The following ADGRF3 variants were observed in gnomAD, a reference collection of about 807,000 sequenced individuals.
ADGRF3 encodes the protein G protein-coupled receptor 113.
A neutral mutation model predicts 93.2 loss-of-function variants in ADGRF3; 85 were observed. That is an observed-to-expected ratio of 0.91 (90% CI 0.77 to 1.09). The LOEUF (loss-of-function observed/expected upper bound fraction) is 1.09. Ranked by LOEUF, ADGRF3 falls within the 50% of genes least tolerant of loss-of-function variation. ADGRF3 has a pLI of 0.00. For synonymous variants in ADGRF3, 534 were observed against 532.5 expected (o/e 1.00, Z -0.04); for missense variants, 1,125 against 1,246.2 (o/e 0.90, Z 1.46).
intron 12 of ADGRF3, 89 bp downstream of exon 12, chr2:26,309,954 G>A: frequency 6.2e-7 from 1 of 1,613,626 alleles, no homozygotes; most frequent in Non-Finnish European, 8.5e-7. Flanking sequence ...TCAGCTTCTG[G>A]CTGTGCCCAT....
rs1574701687 is a variant in ADGRF3, at chr2:26,313,452, C to T, written c.1194G>A (p.Gly398=). Residue 398 remains glycine (G), a synonymous_variant, in exon 8 of 14, where the codon GGG becomes GGA. Coordinates refer to ENST00000651242, the MANE Select transcript of ADGRF3 (RefSeq NM_001321971.2). The part of the protein sequence containing the change: ...SKRGIVRRLC[G]ADGVWGPVHS... The stretch of plus-strand genomic sequence containing the variant: ...GGACCGGCCCCCAGACTCCGTCAGC[C>T]CCACAGAGCCTCCTCACTATGCCCC... 2 of 1,610,838 alleles carry T rather than the reference C, an allele frequency of 1.2e-6. No homozygotes were observed. Among genetic ancestry groups the T allele is most frequent in the East Asian group, 2.2e-5 (1 of 44,718 alleles).
intron 1 of ADGRF3, among the ~76,000 whole-genome samples, chr2:26,344,656 C>G (rs977057295): frequency 5.3e-5 from 8 of 152,136 alleles, no homozygotes; most frequent in African/African-American, 1.9e-4. Context: ...GGTTGGCGGG[C>G]GCCCATTCTT....
chr2:26,334,805 A>G (rs892692774), intron 1 of ADGRF3, among the ~76,000 whole-genome samples: 1 of 152,216 alleles, frequency 6.6e-6, no homozygotes, highest in African/African-American at 2.4e-5. Flanking sequence ...CATAATTTGC[A>G]ATAATGTTCT....
At chr2:26,321,637 A>T (rs559754412) in intron 1 of ADGRF3, among the ~76,000 whole-genome samples, 1 of 152,106 alleles carries the variant, frequency 6.6e-6, no homozygotes, top group Non-Finnish European at 1.5e-5. Flanking sequence ...TTCATCCATC[A>T]GCATGAACAC....
In ADGRF3 at chr2:26,311,185, C is replaced by T. The variant is rs1349924500; in HGVS notation, c.2339G>A (p.Cys780Tyr). 1.9e-6 allele frequency: 3 copies of T among 1,599,060 alleles called. No homozygotes were observed. Among genetic ancestry groups the T allele is most frequent in the South Asian group, 2.2e-5 (2 of 89,110 alleles). ...AAAGGTGGCCAGGTAGAGGAAATGA[C>T]AGAGGAAGGCGGCAGCAAGGCAGAG... The part of the protein sequence containing the change: ...SPLCLAAAFL[C>Y]HFLYLATFFW... The change falls in exon 10 of 14, where the codon TGT becomes TAT. Residue 780 changes from cysteine (C) to tyrosine (Y), a missense_variant. Transcript: ENST00000651242.
intron 9 of ADGRF3, 91 bp downstream of exon 9, chr2:26,312,852 G>T: frequency 8.1e-7 from 1 of 1,233,122 alleles, no homozygotes; most frequent in African/African-American, 1.5e-5. Context: ...AACAGCCCAT[G>T]GTGACATCAG....
intron 2 of ADGRF3, 65 bp downstream of exon 2, chr2:26,317,431 G>T: frequency 6.8e-7 from 1 of 1,473,566 alleles, no homozygotes; most frequent in Non-Finnish European, 9.3e-7. Context: ...CTGGGTCCTG[G>T]GTTTCCACCT....
intron 1 of ADGRF3, among the ~76,000 whole-genome samples, chr2:26,335,513 C>A (rs1327167477): frequency 6.6e-6 from 1 of 152,136 alleles, no homozygotes; most frequent in African/African-American, 2.4e-5. Context: ...AGTAGAATGA[C>A]TGGGTCAGGT....
intron 6 of ADGRF3, 125 bp downstream of exon 6, chr2:26,314,289 G>T: frequency 2.3e-6 from 2 of 867,428 alleles, no homozygotes; most frequent in South Asian, 1.8e-5. Context: ...AACAGTGTTG[G>T]CCTTGGACCC....
At chr2:26,316,502 G>T in intron 3 of ADGRF3, 54 bp from the exon 4 acceptor site, 1 of 1,519,000 alleles carries the variant, frequency 6.6e-7, no homozygotes, top group Non-Finnish European at 8.9e-7. Context: ...AAGCTAGGTG[G>T]GCAGGGCAGA....
At chr2:26,312,894 T>G in intron 9 of ADGRF3, 49 bp downstream of exon 9, 1 of 1,526,852 alleles carries the variant, frequency 6.5e-7, no homozygotes, top group Non-Finnish European at 8.8e-7. Context: ...TGGGGAGTCT[T>G]CAGCCCCCGA....
rs771567024 is a variant in ADGRF3 at position 26,317,070 on chromosome 2, G to C, written c.182-15C>G. 1 of 1,600,896 alleles carries C rather than the reference G, an allele frequency of 6.2e-7. No individual in the cohort carries two copies. Among genetic ancestry groups the C allele is most frequent in the South Asian group, 1.1e-5 (1 of 88,798 alleles). ...CAGCGCTGATTCTACAGGAGCAGAG[G>C]GGACAGCTGGAGAGGACAGGCAGCG... On this transcript the variant is annotated splice_polypyrimidine_tract_variant and intron_variant, in intron 2 of 13. Transcript: ENST00000651242.
intron 1 of ADGRF3, among the ~76,000 whole-genome samples, chr2:26,333,579 T>C (rs1675880044): frequency 6.6e-6 from 1 of 151,106 alleles, no homozygotes; most frequent in African/African-American, 2.4e-5. Context: ...AGAGAACAAA[T>C]ATGTATTTCT....
intron 1 of ADGRF3, among the ~76,000 whole-genome samples, chr2:26,328,454 GTT>G (rs35836521): frequency 2.3e-5 from 3 of 132,072 alleles, no homozygotes; most frequent in Non-Finnish European, 4.7e-5. Flanking sequence ...GGCCTTTTTA[GTT>G]TTTTTTTTTT....
rs917748729 is a variant in ADGRF3, at chr2:26,331,638, G to C, written c.115-14076C>G. On this transcript the variant is annotated intron_variant, in intron 1 of 13. Transcript: ENST00000651242. ...CCAGCTACTTGGGAGGCGGAGGTGG[G>C]AGAGTCACTTGAGCCCAAGAGTTTG... Among the ~76,000 whole-genome samples the C allele has an allele frequency of 2.1e-4, 32 of 152,228 alleles. 1 individual carries two copies. Among genetic ancestry groups the C allele is most frequent in the Admixed American group, 1.8e-3 (27 of 15,284 alleles).
chr2:26,345,729 G>C (rs1676683703), intron 1 of ADGRF3: 1 of 201,976 alleles, frequency 5.0e-6, no homozygotes, highest in African/African-American at 2.4e-5. Flanking sequence ...CTGCTGAACT[G>C]GTTCGCAAGC....
At chr2:26,330,726 G>T (rs1675724002) in intron 1 of ADGRF3, among the ~76,000 whole-genome samples, 1 of 152,154 alleles carries the variant, frequency 6.6e-6, no homozygotes, top group Admixed American at 6.5e-5. Context: ...AGACCTAGGG[G>T]GTTTCTTCTG....
intron 1 of ADGRF3, chr2:26,318,214 G>T: frequency 1.2e-6 from 1 of 802,758 alleles, no homozygotes; most frequent in Non-Finnish European, 2.0e-6. Context: ...CTGTGTCACA[G>T]ACCTGAGCCC....
chr2:26,329,115 T>A (rs1675619530), intron 1 of ADGRF3, among the ~76,000 whole-genome samples: 1 of 152,172 alleles, frequency 6.6e-6, no homozygotes, highest in Non-Finnish European at 1.5e-5. Flanking sequence ...AAAGCACAGG[T>A]TGAACTGATG....
Sources: gnomAD v4.1 joint callset for allele counts (sites outside exome capture counted in the v4.1 genomes callset) on GRCh38, gnomAD v4.1.1 for gene constraint, MANE v1.5 for transcripts, NCBI Gene and HGNC (gene_info 2026-07-23, HGNC 2026-07-21) for gene names.